The following KHDRBS2 variants were observed in gnomAD, a reference collection of about 807,000 sequenced individuals.
The protein encoded by KHDRBS2 is KH RNA binding domain containing, signal transduction associated 2, also known as KH domain-containing, RNA-binding, signal transduction-associated protein 2.
A neutral mutation model predicts 44.3 loss-of-function variants in KHDRBS2; 26 were observed. The observed-to-expected ratio is 0.59, with a 90% CI of 0.43 to 0.81. The LOEUF (loss-of-function observed/expected upper bound fraction) is 0.81, where lower values mean the gene tolerates loss of function less well. Ranked by LOEUF, KHDRBS2 falls within the 40% of genes least tolerant of loss-of-function variation. KHDRBS2 has a pLI of 0.00. For missense variants in KHDRBS2, 476 were observed against 433.1 expected (o/e 1.10, Z -0.88); for synonymous variants, 194 against 151.1 (o/e 1.28, Z -2.08).
Position 62,286,062 on chromosome 6 carries a change from G to C in KHDRBS2, c.-114C>G. On this transcript the variant is annotated 5_prime_UTR_variant, in exon 1 of 9. Transcript: ENST00000281156. ...CGCTGCTCCTCCTCCGCGCGGCGAGGGATCTCTGTGCGTCCTCACTGGCCC... is the reference window on the plus strand; with the variant it reads ...CGCTGCTCCTCCTCCGCGCGGCGAGCGATCTCTGTGCGTCCTCACTGGCCC... The C allele has an allele frequency of 2.8e-6, 2 of 702,464 alleles. No homozygotes were observed. Among genetic ancestry groups the C allele is most frequent in the Admixed American group, 4.4e-5 (2 of 45,504 alleles). The allele number at this position is 702,464 out of a possible 1,614,324, so 43.5% of individuals were successfully genotyped here. A position where few individuals can be genotyped will look rare whatever the true frequency, so the allele number is the denominator to read the frequency against.
intron 6 of KHDRBS2, among the ~76,000 whole-genome samples, chr6:61,792,665 G>A (rs1169410015): frequency 4.0e-5 from 6 of 151,652 alleles, no homozygotes; most frequent in East Asian, 1.9e-4. Context: ...TGACAACTGC[G>A]AATTAGAAAA....
At chr6:62,054,286 G>C (rs1209870371) in intron 2 of KHDRBS2, among the ~76,000 whole-genome samples, 4 of 152,050 alleles carry the variant, frequency 2.6e-5, no homozygotes, top group Admixed American at 6.6e-5. Flanking sequence ...TCATAAACCT[G>C]TGTTAATTAT....
chr6:62,282,126 T>C (rs1841891846), intron 1 of KHDRBS2, among the ~76,000 whole-genome samples: 1 of 152,192 alleles, frequency 6.6e-6, no homozygotes, highest in African/African-American at 2.4e-5. Context: ...TCAAGCTTTA[T>C]GAAAAATATT....
chr6:61,681,119 A>G (rs1000009440), intron 8 of KHDRBS2, 59 bp from the exon 9 acceptor site: 8 of 1,143,260 alleles, frequency 7.0e-6, no homozygotes, highest in Non-Finnish European at 1.1e-5. Context: ...AAAAATAGTC[A>G]TTTAAGACAC....
chr6:61,792,487 A>C (rs1308756305), intron 6 of KHDRBS2, among the ~76,000 whole-genome samples: 1 of 151,690 alleles, frequency 6.6e-6, no homozygotes, highest in Non-Finnish European at 1.5e-5. Flanking sequence ...TATACCAATT[A>C]GTTTTTCTTT....
At chr6:61,955,161 T>C (rs1233707348) in intron 4 of KHDRBS2, among the ~76,000 whole-genome samples, 3 of 145,348 alleles carry the variant, frequency 2.1e-5, no homozygotes, top group African/African-American at 5.0e-5. Context: ...TGTATGTATG[T>C]ATACATATGT....
chr6:61,553,828 T>C, the KHDRBS2 span, among the ~76,000 whole-genome samples: 1 of 152,226 alleles, frequency 6.6e-6, no homozygotes. Context: ...TTCTTAGTAC[T>C]GATTCCTATT....
At chr6:62,259,916 A>G (rs1315773993) in intron 1 of KHDRBS2, among the ~76,000 whole-genome samples, 1 of 152,058 alleles carries the variant, frequency 6.6e-6, no homozygotes, top group African/African-American at 2.4e-5. Context: ...GTACAGTTCT[A>G]TAAGTCTAAT....
chr6:61,638,015 T>C, the KHDRBS2 span, among the ~76,000 whole-genome samples: 1 of 152,124 alleles, frequency 6.6e-6, no homozygotes, highest in Non-Finnish European at 1.5e-5. Flanking sequence ...TTTCTTTTGC[T>C]GTGCAGAAGC....
chr6:61,578,685 A>T, the KHDRBS2 span, among the ~76,000 whole-genome samples: 1 of 152,202 alleles, frequency 6.6e-6, no homozygotes, highest in African/African-American at 2.4e-5. Context: ...TTTTAATGTA[A>T]TAAAGTTATC....
intron 6 of KHDRBS2, among the ~76,000 whole-genome samples, chr6:61,803,555 C>T (rs1253757445): frequency 6.6e-6 from 1 of 152,102 alleles, no homozygotes; most frequent in Non-Finnish European, 1.5e-5. Flanking sequence ...CAAAATAATA[C>T]TATTGGGCAG....
chr6:62,062,698 C>T (rs1209825777), intron 2 of KHDRBS2, among the ~76,000 whole-genome samples: 12 of 147,854 alleles, frequency 8.1e-5, no homozygotes, highest in Admixed American at 8.1e-4. Context: ...AATTGACACC[C>T]TAACATCACA....
chr6:61,769,505 G>T (rs1412939810), intron 6 of KHDRBS2, among the ~76,000 whole-genome samples: 4 of 152,188 alleles, frequency 2.6e-5, no homozygotes, highest in African/African-American at 9.7e-5. Context: ...CGGCACACCA[G>T]GAGATTATAT....
At chr6:61,734,920 T>C (rs1775093841) in intron 6 of KHDRBS2, among the ~76,000 whole-genome samples, 1 of 152,204 alleles carries the variant, frequency 6.6e-6, no homozygotes, top group African/African-American at 2.4e-5. Context: ...TCCACATTGA[T>C]GAATTTCTAG....
intron 4 of KHDRBS2, among the ~76,000 whole-genome samples, chr6:61,953,067 C>A (rs139300366): frequency 6.6e-6 from 1 of 151,632 alleles, no homozygotes; most frequent in African/African-American, 2.4e-5. Context: ...TAAAAAAATA[C>A]CTGTTCATAT....
chr6:61,776,955 G>T (rs1056423498), intron 6 of KHDRBS2, among the ~76,000 whole-genome samples: 1 of 152,170 alleles, frequency 6.6e-6, no homozygotes, highest in African/African-American at 2.4e-5. Context: ...ATACTATGCA[G>T]CCATAAAAAT....
the KHDRBS2 span, among the ~76,000 whole-genome samples, chr6:61,648,899 T>G: frequency 5.3e-5 from 8 of 152,170 alleles, no homozygotes; most frequent in Non-Finnish European, 1.2e-4. Flanking sequence ...CTTTTGGCCT[T>G]AATTTCATCT....
the KHDRBS2 span, among the ~76,000 whole-genome samples, chr6:61,651,236 C>T: frequency 6.6e-6 from 1 of 152,038 alleles, no homozygotes; most frequent in Non-Finnish European, 1.5e-5. Context: ...ATTTGAAATG[C>T]ATGGGAATAG....
chr6:61,575,809 T>A, the KHDRBS2 span, among the ~76,000 whole-genome samples: 3 of 152,076 alleles, frequency 2.0e-5, no homozygotes, highest in Non-Finnish European at 4.4e-5. Flanking sequence ...TGCAGCAACC[T>A]GGATGGAGTT....
Sources: gnomAD v4.1 joint callset for allele counts (sites outside exome capture counted in the v4.1 genomes callset) on GRCh38, gnomAD v4.1.1 for gene constraint, MANE v1.5 for transcripts, NCBI Gene and HGNC (gene_info 2026-07-23, HGNC 2026-07-21) for gene names.